DACH2: variants seen among roughly 807,000 people sequenced by gnomAD.
DACH2 encodes the protein dachshund homolog 2.
DACH2 carries 17 observed loss-of-function variants against 35.8 expected under a neutral mutation model. The ratio of observed to expected loss-of-function variants is 0.48; its 90% CI spans 0.33 to 0.71. The LOEUF is 0.71. DACH2 is among the 30% of genes least tolerant of loss of function. The pLI is 0.02. For synonymous variants in DACH2, 195 were observed against 177.3 expected, an observed-to-expected ratio of 1.10 and a Z score of -0.79; for missense variants, 469 against 472.7, an observed-to-expected ratio of 0.99 and a Z score of 0.07.
intron 1 of DACH2, among the ~76,000 whole-genome samples, chrX:86,273,989 A>C (rs1037227199): frequency 8.9e-6 from 1 of 111,945 alleles, no homozygotes; most frequent in Admixed American, 9.5e-5. Context: ...TTCCTTTAGG[A>C]AACATTATTT....
chrX:86,518,870 A>G (rs1407748667), intron 3 of DACH2, among the ~76,000 whole-genome samples: 1 of 111,958 alleles, frequency 8.9e-6, no homozygotes, highest in African/African-American at 3.2e-5. Context: ...CTTTCTTCCT[A>G]GTGGGATGCC....
At chrX:86,726,577 G>C (rs1265534981) in intron 6 of DACH2, among the ~76,000 whole-genome samples, 1 of 111,625 alleles carries the variant, frequency 9.0e-6, no homozygotes, top group Non-Finnish European at 1.9e-5. Context: ...GCTGCCTTGG[G>C]GCAGGATCTA....
intron 3 of DACH2, among the ~76,000 whole-genome samples, chrX:86,621,406 A>T (rs2040067882): frequency 9.0e-6 from 1 of 111,533 alleles, no homozygotes; most frequent in Non-Finnish European, 1.9e-5. Context: ...CAAGTGCTTG[A>T]TAAATTAAGT....
chrX:86,676,726 A>T (rs1376237168), intron 4 of DACH2, among the ~76,000 whole-genome samples: 1 of 112,178 alleles, frequency 8.9e-6, no homozygotes, highest in Admixed American at 9.5e-5. Context: ...CTCATACTGC[A>T]TGTATATGCC....
intron 3 of DACH2, among the ~76,000 whole-genome samples, chrX:86,601,060 G>A (rs1417902126): frequency 9.0e-6 from 1 of 110,994 alleles, no homozygotes; most frequent in Non-Finnish European, 1.9e-5. Flanking sequence ...TTGAACAGTA[G>A]GCATTCACTT....
chrX:86,407,636 C>T lies in DACH2; in HGVS notation c.527+30774C>T, dbSNP rs145799791. Among the ~76,000 whole-genome samples the T allele has an allele frequency of 6.7e-3, 745 of 111,987 alleles. 17 individuals carry two copies. Among genetic ancestry groups the T allele is most frequent in the Admixed American group, 0.057 (602 of 10,482 alleles). ...TGGAGATAATCCATACCCAACCATA[C>T]GGAGATAGAAAGGCTGATGAGTTTT... On this transcript the variant is annotated intron_variant, in intron 2 of 11. Coordinates refer to ENST00000373125, the MANE Select transcript of DACH2 (RefSeq NM_053281.3).
intron 2 of DACH2, among the ~76,000 whole-genome samples, chrX:86,439,378 T>G (rs1481368923): frequency 8.9e-6 from 1 of 112,187 alleles, no homozygotes; most frequent in African/African-American, 3.2e-5. Context: ...GTTATTTCCT[T>G]TGCTGTGAAT....
intron 2 of DACH2, among the ~76,000 whole-genome samples, chrX:86,511,637 C>G (rs949287507): frequency 1.8e-5 from 2 of 111,886 alleles, no homozygotes; most frequent in African/African-American, 6.5e-5. Context: ...ATTTTACCCT[C>G]TGTGTCACTG....
chrX:86,649,152 A>G (rs1260950073), intron 3 of DACH2, among the ~76,000 whole-genome samples: 1 of 110,933 alleles, frequency 9.0e-6, no homozygotes, highest in Non-Finnish European at 1.9e-5. Context: ...ATATGTGGGG[A>G]GTCTGGCTCA....
chrX:86,766,889 T>A (rs1481164920), intron 7 of DACH2, among the ~76,000 whole-genome samples: 1 of 111,576 alleles, frequency 9.0e-6, no homozygotes, highest in Admixed American at 9.6e-5. Context: ...CTTACTTATA[T>A]CCTTAATACC....
chrX:86,332,793 A>T (rs1474387272), intron 1 of DACH2, among the ~76,000 whole-genome samples: 1 of 111,909 alleles, frequency 8.9e-6, no homozygotes, highest in Non-Finnish European at 1.9e-5. Context: ...CCATAATTCA[A>T]GTTAGAGAAT....
At chrX:86,302,702 A>C (rs1265767967) in intron 1 of DACH2, among the ~76,000 whole-genome samples, 1 of 110,198 alleles carries the variant, frequency 9.1e-6, no homozygotes, top group African/African-American at 3.3e-5. Context: ...TATTATTTAT[A>C]TATCTATATA....
intron 4 of DACH2, among the ~76,000 whole-genome samples, chrX:86,677,481 A>G (rs2148429770): frequency 8.9e-6 from 1 of 112,318 alleles, no homozygotes; most frequent in African/African-American, 3.2e-5. Flanking sequence ...GACCACAATT[A>G]CGGTAAAATG....
intron 1 of DACH2, among the ~76,000 whole-genome samples, chrX:86,335,211 C>A (rs1237686120): frequency 9.0e-6 from 1 of 111,218 alleles, no homozygotes; most frequent in Non-Finnish European, 1.9e-5. Context: ...CAGCTTTGTT[C>A]TTTTTGCTTC....
intron 3 of DACH2, among the ~76,000 whole-genome samples, chrX:86,599,958 C>T (rs1404461989): frequency 9.0e-6 from 1 of 111,412 alleles, no homozygotes; most frequent in Non-Finnish European, 1.9e-5. Flanking sequence ...TGAGTGAGCT[C>T]CAAAGCTCTC....
chrX:86,387,115 G>A (rs911779235), intron 2 of DACH2, among the ~76,000 whole-genome samples: 5 of 111,240 alleles, frequency 4.5e-5, no homozygotes, highest in African/African-American at 1.6e-4. Context: ...CAAGATACAT[G>A]TCCTACCTGA....
intron 1 of DACH2, among the ~76,000 whole-genome samples, chrX:86,297,919 G>A (rs1471294850): frequency 4.5e-5 from 5 of 111,662 alleles, no homozygotes; most frequent in African/African-American, 1.3e-4. Context: ...CAGGTTCAGG[G>A]AAATTGGGAT....
At chrX:86,741,721 A>G (rs948612179) in intron 7 of DACH2, among the ~76,000 whole-genome samples, 2 of 111,642 alleles carry the variant, frequency 1.8e-5, no homozygotes, top group African/African-American at 3.2e-5. Context: ...TTCTGTTGGT[A>G]TACCATTCAT....
At chrX:86,433,838 A>T (rs2037024041) in intron 2 of DACH2, among the ~76,000 whole-genome samples, 1 of 111,848 alleles carries the variant, frequency 8.9e-6, no homozygotes, top group African/African-American at 3.2e-5. Context: ...AGGCCCAAGC[A>T]TTGAAGAAAA....
Sources: gnomAD v4.1 joint callset for allele counts (sites outside exome capture counted in the v4.1 genomes callset) on GRCh38, gnomAD v4.1.1 for gene constraint, MANE v1.5 for transcripts, NCBI Gene and HGNC (gene_info 2026-07-23, HGNC 2026-07-21) for gene names.